TMEM209: variants seen among roughly 807,000 people sequenced by gnomAD.
TMEM209 encodes the protein testicular tissue protein Li 202.
TMEM209 carries 65 observed loss-of-function variants against 76.2 expected under a neutral mutation model. The ratio of observed to expected loss-of-function variants is 0.85; its 90% confidence interval spans 0.70 to 1.05. The LOEUF is 1.05. TMEM209 is among the 50% of genes least tolerant of loss of function. The pLI is 0.00. For missense variants in TMEM209, 623 were observed against 685.5 expected, an observed-to-expected ratio of 0.91 and a Z score of 1.02; for synonymous variants, 239 against 237.6, an observed-to-expected ratio of 1.01 and a Z score of -0.06.
At chr7:130,204,816 A>G (rs1479621847) in intron 1 of TMEM209, among the ~76,000 whole-genome samples, 4 of 152,206 alleles carry the variant, frequency 2.6e-5, no homozygotes, top group African/African-American at 7.2e-5. Context: ...ACTATATTCC[A>G]TATCTGCTGT....
chr7:130,194,249 G>C (rs1460733140), intron 5 of TMEM209, among the ~76,000 whole-genome samples: 6 of 151,182 alleles, frequency 4.0e-5, no homozygotes, highest in Non-Finnish European at 8.8e-5. Flanking sequence ...CTGATCATGG[G>C]GGAGGCTATG....
intron 8 of TMEM209, among the ~76,000 whole-genome samples, chr7:130,182,678 T>C (rs1225769971): frequency 6.6e-6 from 1 of 152,242 alleles, no homozygotes. Context: ...GTGTATGTGT[T>C]TGTAGCAACT....
chr7:130,173,841 C>A lies in TMEM209; in HGVS notation c.1443G>T (p.Gln481His), dbSNP rs1197823938. The A allele has an allele frequency of 7.4e-6, 12 of 1,613,580 alleles. No homozygotes were observed. Among genetic ancestry groups the A allele is most frequent in the Non-Finnish European group, 7.6e-6 (9 of 1,179,674 alleles). ...GGTTTATACCTGGTTTATTTGGTGT[C>A]TGAACAAAGTGCTGAGAAGTAAAAG... ...GKTFTSQHFV[Q>H]TPNKPDVTNE... Residue 481 changes from glutamine to histidine, a missense_variant, in exon 12 of 15, where the codon CAG becomes CAT. Physicochemically the swap from Gln to His is conservative, Grantham distance 24. Coordinates refer to ENST00000397622, the MANE Select transcript of TMEM209 (RefSeq NM_032842.4).
intron 6 of TMEM209, among the ~76,000 whole-genome samples, chr7:130,188,456 C>T (rs556328284): frequency 2.6e-4 from 39 of 151,770 alleles, no homozygotes; most frequent in African/African-American, 6.0e-4. Context: ...ATTAGCCAGG[C>T]GTGGTGGCAG....
intron 10 of TMEM209, 82 bp from the exon 11 acceptor site, chr7:130,175,691 G>A (rs1797212811): frequency 1.4e-5 from 15 of 1,049,490 alleles, no homozygotes; most frequent in East Asian, 2.7e-5. Context: ...ATATAATAAG[G>A]GAAGCAAATC....
chr7:130,172,428 C>T (rs553703726), intron 13 of TMEM209, among the ~76,000 whole-genome samples: 5 of 152,048 alleles, frequency 3.3e-5, no homozygotes, highest in Non-Finnish European at 5.9e-5. Flanking sequence ...CTGCAAGCTC[C>T]GCCTCCTGGG....
chr7:130,200,398 T>G (rs1376973979), intron 5 of TMEM209, among the ~76,000 whole-genome samples: 2 of 152,238 alleles, frequency 1.3e-5, no homozygotes, highest in Non-Finnish European at 2.9e-5. Context: ...TCTACATTTC[T>G]GTGACAATGT....
At position 130,173,875 on chromosome 7, in the gene TMEM209, T is replaced by G; in HGVS notation, c.1409A>C (p.Asp470Ala). The G allele has an allele frequency of 6.2e-7, 1 of 1,613,962 alleles. No individual in the cohort carries two copies. Among genetic ancestry groups the G allele is most frequent in the Non-Finnish European group, 8.5e-7 (1 of 1,179,850 alleles). ...GTGCTGAGAAGTAAAAGTTTTTCCG[T>G]CGGGATACTTCGGATGTGGAGGTAA... is the stretch of plus-strand genomic sequence containing the variant. ...SRLPPHPKYPDGKTFTSQHFV... is the reference protein window; with the variant it reads ...SRLPPHPKYPAGKTFTSQHFV... Residue 470 changes from aspartate (D) to alanine (A), a missense_variant, in exon 12 of 15, where the codon GAC (aspartate) becomes GCC (alanine). Coordinates refer to ENST00000397622, the MANE Select transcript of TMEM209 (RefSeq NM_032842.4).
Position 130,192,744 on chromosome 7 carries a change from C to G in TMEM209, c.653G>C (p.Arg218Pro). 3 of 1,613,876 alleles carry G rather than the reference C, an allele frequency of 1.9e-6. No homozygotes were observed. Among genetic ancestry groups the G allele is most frequent in the Non-Finnish European group, 2.5e-6 (3 of 1,179,830 alleles). ...GPVESSGLRS[R>P]YRSSPTVYNS... ...GTAGACGGTAGGTGAAGAACGGTAGCGAGATCTCAATCCACTGCTCTCCAC... is the reference window on the plus strand; with the variant it reads ...GTAGACGGTAGGTGAAGAACGGTAGGGAGATCTCAATCCACTGCTCTCCAC... The change falls in exon 6 of 15, where the codon CGC (arginine) becomes CCC (proline). Residue 218 changes from arginine to proline, a missense_variant. Coordinates refer to ENST00000397622, the MANE Select transcript of TMEM209 (RefSeq NM_032842.4).
intron 1 of TMEM209, 95 bp from the exon 2 acceptor site, chr7:130,204,205 C>A: frequency 1.6e-6 from 2 of 1,271,744 alleles, no homozygotes; most frequent in Non-Finnish European, 1.1e-6. Context: ...TAACTGAAAC[C>A]GCATATACCT....
At chr7:130,169,554 A>G (rs753065706) in intron 14 of TMEM209, among the ~76,000 whole-genome samples, 18 of 152,174 alleles carry the variant, frequency 1.2e-4, no homozygotes, top group Non-Finnish European at 2.2e-4. Flanking sequence ...GCGCACCTCA[A>G]TTTGGTCTAG....
intron 5 of TMEM209, 39 bp downstream of exon 5, chr7:130,201,811 C>T: frequency 6.2e-7 from 1 of 1,609,852 alleles, no homozygotes; most frequent in Non-Finnish European, 8.5e-7. Context: ...CCTCTCAATT[C>T]TAAAATAATG....
intron 6 of TMEM209, among the ~76,000 whole-genome samples, chr7:130,189,889 A>T (rs2117008909): frequency 6.6e-6 from 1 of 152,328 alleles, no homozygotes; most frequent in East Asian, 1.9e-4. Context: ...TCTAAGTATC[A>T]TTCTCCATTA....
intron 6 of TMEM209, among the ~76,000 whole-genome samples, chr7:130,188,457 G>A (rs529143913): frequency 1.3e-4 from 19 of 151,672 alleles, no homozygotes; most frequent in South Asian, 4.2e-4. Context: ...TTAGCCAGGC[G>A]TGGTGGCAGG....
At chr7:130,197,060 C>T (rs66729523) in intron 5 of TMEM209, among the ~76,000 whole-genome samples, 25,561 of 152,078 alleles carry the variant, frequency 0.17, 2,747 homozygotes, top group Middle Eastern at 0.24. Context: ...GACCCCATCT[C>T]TACCAAAACA....
intron 5 of TMEM209, among the ~76,000 whole-genome samples, chr7:130,198,346 C>T (rs1798063748): frequency 6.6e-6 from 1 of 151,930 alleles, no homozygotes. Context: ...CGAGGTGGCT[C>T]ATGCCTGTAA....
chr7:130,170,260 TAGTCTGTGACA>T, intron 14 of TMEM209, 129 bp downstream of exon 14: 1 of 665,566 alleles, frequency 1.5e-6, no homozygotes, highest in Admixed American at 3.1e-5. Flanking sequence ...ATAGCAGAGG[TAGTCTGTGACA>T]GGGCTGAAGC....
chr7:130,173,501 A>AT (rs1433299466), intron 13 of TMEM209, 131 bp downstream of exon 13: 2 of 636,566 alleles, frequency 3.1e-6, no homozygotes, highest in Non-Finnish European at 5.3e-6. Flanking sequence ...TAAGAAATAT[A>AT]TATGTAGGAA....
intron 5 of TMEM209, among the ~76,000 whole-genome samples, chr7:130,199,553 A>G (rs1488638527): frequency 6.6e-6 from 1 of 152,124 alleles, no homozygotes; most frequent in Non-Finnish European, 1.5e-5. Context: ...ATTTCCTGAC[A>G]TATCTTTTAA....
Sources: gnomAD v4.1 joint callset for allele counts (sites outside exome capture counted in the v4.1 genomes callset) on GRCh38, gnomAD v4.1.1 for gene constraint, MANE v1.5 for transcripts, NCBI Gene and HGNC (gene_info 2026-07-23, HGNC 2026-07-21) for gene names.